BICC1: variants seen among roughly 807,000 people sequenced by gnomAD.
The protein encoded by BICC1 is protein bicaudal C homolog 1.
A neutral mutation model predicts 111.0 loss-of-function variants in BICC1; 43 were observed. The observed-to-expected ratio is 0.39, with a 90% CI of 0.30 to 0.50. The LOEUF (loss-of-function observed/expected upper bound fraction) is 0.50, where lower values mean the gene tolerates loss of function less well. Ranked by LOEUF, BICC1 falls within the 20% of genes least tolerant of loss-of-function variation. The pLI, the probability that BICC1 is intolerant of heterozygous loss-of-function variation, is 0.88. For missense variants in BICC1, 1,091 were observed against 1,203.2 expected, an observed-to-expected ratio of 0.91 and a Z score of 1.38; for synonymous variants, 467 against 434.4, an observed-to-expected ratio of 1.07 and a Z score of -0.93.
chr10:58,534,867 T>A (rs1338424906), intron 1 of BICC1, among the ~76,000 whole-genome samples: 1 of 151,398 alleles, frequency 6.6e-6, no homozygotes, highest in African/African-American at 2.4e-5. Flanking sequence ...ATGAAAAATT[T>A]TTTTTTAAAG....
chr10:58,820,296 C>A, intron 19 of BICC1, 73 bp from the exon 20 acceptor site: 1 of 993,812 alleles, frequency 1.0e-6, no homozygotes, highest in Non-Finnish European at 1.6e-6. Flanking sequence ...AGTGTGACAA[C>A]AAGTTGATCC....
intron 2 of BICC1, among the ~76,000 whole-genome samples, chr10:58,694,408 TG>T (rs1227460963): frequency 5.9e-5 from 9 of 152,180 alleles, no homozygotes; most frequent in African/African-American, 2.2e-4. Flanking sequence ...CTGTTATTTA[TG>T]GACTGAAGAG....
At chr10:58,691,176 G>A (rs1014340572) in intron 2 of BICC1, among the ~76,000 whole-genome samples, 5 of 151,948 alleles carry the variant, frequency 3.3e-5, no homozygotes, top group Non-Finnish European at 5.9e-5. Context: ...TACCCTCTTA[G>A]CAAATTAAGT....
chr10:58,534,977 T>G (rs1424154337), intron 1 of BICC1, among the ~76,000 whole-genome samples: 1 of 151,414 alleles, frequency 6.6e-6, no homozygotes, highest in East Asian at 1.9e-4. Context: ...ATACACTAGA[T>G]TAAGTAGAAG....
At chr10:58,803,547 G>A (rs1296883018) in intron 15 of BICC1, among the ~76,000 whole-genome samples, 2 of 152,036 alleles carry the variant, frequency 1.3e-5, no homozygotes, top group Admixed American at 6.6e-5. Context: ...GAGTTTGCGG[G>A]ACTGCATTTC....
intron 2 of BICC1, among the ~76,000 whole-genome samples, chr10:58,638,090 G>A (rs1471242033): frequency 6.6e-6 from 1 of 151,842 alleles, no homozygotes; most frequent in African/African-American, 2.4e-5. Context: ...GGGCTGTTTT[G>A]GAGGAAAAAA....
intron 1 of BICC1, among the ~76,000 whole-genome samples, chr10:58,539,450 G>A (rs1015934527): frequency 1.3e-5 from 2 of 151,544 alleles, no homozygotes; most frequent in Non-Finnish European, 1.5e-5. Flanking sequence ...TGTTCAGGTG[G>A]TGGGTGCACT....
At chr10:58,755,741 G>C (rs562421593) in intron 3 of BICC1, among the ~76,000 whole-genome samples, 1 of 150,812 alleles carries the variant, frequency 6.6e-6, no homozygotes. Flanking sequence ...ATGAATTTCA[G>C]TTGGGTTTTG....
At chr10:58,564,011 A>G (rs922342106) in intron 1 of BICC1, among the ~76,000 whole-genome samples, 1 of 152,286 alleles carries the variant, frequency 6.6e-6, no homozygotes, top group East Asian at 1.9e-4. Context: ...ATATTTTGTG[A>G]TAAATATGTG....
At chr10:58,732,031 A>G (rs1396488261) in intron 3 of BICC1, among the ~76,000 whole-genome samples, 1 of 152,090 alleles carries the variant, frequency 6.6e-6, no homozygotes, top group Non-Finnish European at 1.5e-5. Flanking sequence ...ATTTGCATTC[A>G]TAACTTGGCC....
chr10:58,521,768 GTTTTTTTTTTTTTTTTTTTTTT>G (rs573116230), intron 1 of BICC1, among the ~76,000 whole-genome samples: 11 of 112,800 alleles, frequency 9.8e-5, no homozygotes, highest in Non-Finnish European at 1.3e-4. Context: ...GGAATGTGGT[GTTTTTTTTTTTTTTTTTTTTTT>G]TTTTTTTTTT....
At chr10:58,796,583 C>T in intron 10 of BICC1, 57 bp downstream of exon 10, 3 of 1,502,390 alleles carry the variant, frequency 2.0e-6, no homozygotes, top group Admixed American at 4.3e-5. Flanking sequence ...TTGTCTGGTT[C>T]CCTTTCTTTC....
At chr10:58,711,624 T>C (rs979427437) in intron 3 of BICC1, among the ~76,000 whole-genome samples, 1 of 152,188 alleles carries the variant, frequency 6.6e-6, no homozygotes, top group Non-Finnish European at 1.5e-5. Context: ...AGTTCCGCCT[T>C]CTTCTCTTCT....
At chr10:58,725,787 G>A (rs937765217) in intron 3 of BICC1, among the ~76,000 whole-genome samples, 5 of 152,220 alleles carry the variant, frequency 3.3e-5, no homozygotes, top group African/African-American at 7.2e-5. Flanking sequence ...GTCTGAGGGA[G>A]ACATCCCAGA....
intron 2 of BICC1, among the ~76,000 whole-genome samples, chr10:58,669,494 A>G (rs1339164211): frequency 6.6e-6 from 1 of 152,094 alleles, no homozygotes; most frequent in Admixed American, 6.6e-5. Flanking sequence ...TAAGCTTTTA[A>G]TAAATTGTAG....
chr10:58,732,375 GTATGTATATATATATATATATA>G (rs1841336141), intron 3 of BICC1, among the ~76,000 whole-genome samples: 2 of 6,070 alleles, frequency 3.3e-4, no homozygotes, highest in African/African-American at 9.9e-4. Flanking sequence ...GTGTGTGTGT[GTATGTATATATATATATATATA>G]TATATATATA....
At chr10:58,575,192 T>G (rs1230221273) in intron 1 of BICC1, among the ~76,000 whole-genome samples, 1 of 151,876 alleles carries the variant, frequency 6.6e-6, no homozygotes, top group Non-Finnish European at 1.5e-5. Flanking sequence ...TGTCCCCCAC[T>G]CCCCAACAGG....
intron 3 of BICC1, among the ~76,000 whole-genome samples, chr10:58,718,578 A>T (rs1474025360): frequency 6.6e-6 from 1 of 152,132 alleles, no homozygotes; most frequent in East Asian, 1.9e-4. Context: ...CAAGTAATTG[A>T]TGGATAATTT....
At position 58,542,171 on chromosome 10, in the gene BICC1, A is replaced by C. The variant is rs546232686; in HGVS notation, c.190+28838A>C. Among the ~76,000 whole-genome samples, 1,126 of 148,528 alleles carry C rather than the reference A, an allele frequency of 7.6e-3. 15 individuals are homozygous for C. Among genetic ancestry groups the C allele is most frequent in the African/African-American group, 0.028 (1,068 of 38,790 alleles). ...GTCTCAAAAAAAAAAAAAAAACAAAAAAAAAAACCCAGACATACAGACTAG... is the reference window on the plus strand; with the variant it reads ...GTCTCAAAAAAAAAAAAAAAACAAACAAAAAAACCCAGACATACAGACTAG... On this transcript the variant is annotated intron_variant, in intron 1 of 20. Transcript: ENST00000373886.
Sources: gnomAD v4.1 joint callset for allele counts (sites outside exome capture counted in the v4.1 genomes callset) on GRCh38, gnomAD v4.1.1 for gene constraint, MANE v1.5 for transcripts, NCBI Gene and HGNC (gene_info 2026-07-23, HGNC 2026-07-21) for gene names.